LRRIQ3: variants seen among roughly 807,000 people sequenced by gnomAD.
LRRIQ3 encodes leucine rich repeats and IQ motif containing 3, also known as leucine-rich repeat and IQ domain-containing protein 3.
Under a neutral mutation model 59.3 loss-of-function variants are expected in LRRIQ3, and 75 were observed. The observed-to-expected ratio is 1.26, with a 90% confidence interval of 1.05 to 1.53. The LOEUF (loss-of-function observed/expected upper bound fraction) is 1.53. LRRIQ3 is among the 40% of genes most tolerant of loss of function. The pLI is 0.00. For missense variants in LRRIQ3, 831 were observed against 710.0 expected (o/e 1.17, Z -1.94); for synonymous variants, 250 against 231.3 (o/e 1.08, Z -0.73).
intron 3 of LRRIQ3, among the ~76,000 whole-genome samples, chr1:74,176,666 T>C (rs1371595487): frequency 2.6e-5 from 4 of 152,076 alleles, no homozygotes; most frequent in African/African-American, 4.8e-5. Flanking sequence ...GTTGTTTATG[T>C]AGGGGTTATA....
At chr1:74,175,167 C>T (rs1369614601) in intron 3 of LRRIQ3, among the ~76,000 whole-genome samples, 1 of 152,070 alleles carries the variant, frequency 6.6e-6, no homozygotes, top group East Asian at 1.9e-4. Flanking sequence ...CAGATGAGGC[C>T]GATGGGGTCC....
chr1:74,096,101 AT>A (rs1483087813), intron 5 of LRRIQ3, among the ~76,000 whole-genome samples: 1 of 152,094 alleles, frequency 6.6e-6, no homozygotes, highest in Non-Finnish European at 1.5e-5. Flanking sequence ...TTCAAAAAAA[AT>A]AACTGTTAAG....
At chr1:74,084,085 T>A (rs1017126291) in intron 5 of LRRIQ3, 3 of 1,266,620 alleles carry the variant, frequency 2.4e-6, no homozygotes, top group Non-Finnish European at 3.3e-6. Context: ...ATATCCCTAG[T>A]GTCCAATCAG....
intron 5 of LRRIQ3, among the ~76,000 whole-genome samples, chr1:74,105,255 GTATT>G (rs761265362): frequency 6.9e-5 from 1 of 14,398 alleles, no homozygotes; most frequent in African/African-American, 8.6e-5. Flanking sequence ...GTGTGTGTGT[GTATT>G]TTTTTTTTTT....
intron 6 of LRRIQ3, among the ~76,000 whole-genome samples, chr1:74,051,812 G>A (rs899141509): frequency 1.3e-5 from 2 of 152,160 alleles, no homozygotes; most frequent in African/African-American, 4.8e-5. Context: ...TTTATGATAC[G>A]TTCCCTTTTA....
chr1:74,072,134 T>C (rs376778272), intron 6 of LRRIQ3, among the ~76,000 whole-genome samples: 5 of 152,132 alleles, frequency 3.3e-5, no homozygotes, highest in Non-Finnish European at 7.4e-5. Flanking sequence ...TATTTAAGAA[T>C]GGTATCTAAA....
rs553270769 is a variant in LRRIQ3, at chr1:74,038,862, T to A, written c.1718+2351A>T. Among the ~76,000 whole-genome samples the A allele has an allele frequency of 3.9e-5, 6 of 152,196 alleles. No individual in the cohort carries two copies. The South Asian group carries it at 1.2e-3, about 32-fold the overall frequency. On this transcript the variant is annotated intron_variant, in intron 7 of 7. Transcript: ENST00000354431. ...TCAAAACTAGACATATTCATGAAGA[T>A]GAGAACGAATCAATGAAAAAATGCT... is the stretch of plus-strand genomic sequence containing the variant.
intron 7 of LRRIQ3, among the ~76,000 whole-genome samples, chr1:74,036,238 C>T (rs1241488042): frequency 4.6e-5 from 7 of 152,208 alleles, no homozygotes; most frequent in Non-Finnish European, 7.4e-5. Context: ...TCTCAACTTC[C>T]GCCTCCTGTC....
chr1:74,151,325 T>C (rs767777817), intron 4 of LRRIQ3, among the ~76,000 whole-genome samples: 3 of 152,176 alleles, frequency 2.0e-5, no homozygotes, highest in Admixed American at 2.0e-4. Flanking sequence ...TGTGGGATAA[T>C]AGTTATGGCA....
chr1:74,197,377 C>G (rs535854357), intron 1 of LRRIQ3, among the ~76,000 whole-genome samples: 2 of 152,126 alleles, frequency 1.3e-5, no homozygotes, highest in South Asian at 4.2e-4. Flanking sequence ...ATTGTGATAC[C>G]TTGACTAACT....
intron 4 of LRRIQ3, among the ~76,000 whole-genome samples, chr1:74,135,380 A>G (rs1333886618): frequency 6.6e-6 from 1 of 151,978 alleles, no homozygotes; most frequent in African/African-American, 2.4e-5. Context: ...ATAGCAAATT[A>G]TAGGAACTCT....
intron 5 of LRRIQ3, among the ~76,000 whole-genome samples, chr1:74,078,344 C>T (rs559693632): frequency 6.6e-6 from 1 of 151,716 alleles, no homozygotes; most frequent in South Asian, 2.1e-4. Context: ...GAAATGCTTG[C>T]TACCTTTTCC....
At chr1:74,039,022 C>T (rs190323910) in intron 7 of LRRIQ3, among the ~76,000 whole-genome samples, 93 of 152,150 alleles carry the variant, frequency 6.1e-4, no homozygotes, top group Non-Finnish European at 7.1e-4. Flanking sequence ...TAATAATAAA[C>T]GCCACTAAGC....
chr1:74,126,023 T>C (rs1030236399), intron 4 of LRRIQ3, among the ~76,000 whole-genome samples: 4 of 151,886 alleles, frequency 2.6e-5, no homozygotes, highest in African/African-American at 9.7e-5. Context: ...ACAGCTTCGA[T>C]CTTATTACTT....
intron 1 of LRRIQ3, among the ~76,000 whole-genome samples, chr1:74,191,771 T>C (rs571718615): frequency 5.9e-5 from 9 of 152,226 alleles, no homozygotes; most frequent in South Asian, 2.1e-4. Context: ...TTGTGGGATA[T>C]AGTACAAGCA....
At chr1:74,105,207 T>C (rs1364023385) in intron 5 of LRRIQ3, among the ~76,000 whole-genome samples, 4 of 151,744 alleles carry the variant, frequency 2.6e-5, no homozygotes, top group African/African-American at 9.7e-5. Flanking sequence ...TCTTGCTGAC[T>C]ATACCTTAAT....
intron 3 of LRRIQ3, among the ~76,000 whole-genome samples, chr1:74,158,279 G>A (rs1211078376): frequency 1.3e-5 from 2 of 152,000 alleles, no homozygotes; most frequent in Non-Finnish European, 2.9e-5. Flanking sequence ...ATTCCAAAAT[G>A]TAAATCTTAT....
chr1:74,183,091 C>CT, intron 2 of LRRIQ3: 1 of 335,332 alleles, frequency 3.0e-6, no homozygotes, highest in Non-Finnish European at 5.3e-6. Flanking sequence ...CATAACCATA[C>CT]TTTTTTGTTC....
intron 6 of LRRIQ3, among the ~76,000 whole-genome samples, chr1:74,044,320 G>A (rs1396807746): frequency 6.6e-6 from 1 of 152,038 alleles, no homozygotes; most frequent in African/African-American, 2.4e-5. Flanking sequence ...TTGGGACATG[G>A]GGTAGACCCC....
Sources: gnomAD v4.1 joint callset for allele counts (sites outside exome capture counted in the v4.1 genomes callset) on GRCh38, gnomAD v4.1.1 for gene constraint, MANE v1.5 for transcripts, NCBI Gene and HGNC (gene_info 2026-07-23, HGNC 2026-07-21) for gene names.